ANKS1B: variants seen among roughly 807,000 people sequenced by gnomAD.
ANKS1B encodes ankyrin repeat and sterile alpha motif domain containing 1B.
Under a neutral mutation model 148.3 loss-of-function variants are expected in ANKS1B, and 36 were observed. The ratio of observed to expected loss-of-function variants is 0.24; its 90% confidence interval spans 0.19 to 0.32. ANKS1B has a LOEUF of 0.32. Ranked by LOEUF, ANKS1B falls within the 10% of genes least tolerant of loss-of-function variation. ANKS1B has a pLI of 1.00. For synonymous variants in ANKS1B, 542 were observed against 560.8 expected, an observed-to-expected ratio of 0.97 and a Z score of 0.47; for missense variants, 1,157 against 1,542.6, an observed-to-expected ratio of 0.75 and a Z score of 4.19.
At chr12:98,818,169 C>CT (rs2099157173) in intron 19 of ANKS1B, among the ~76,000 whole-genome samples, 2 of 41,688 alleles carry the variant, frequency 4.8e-5, no homozygotes, top group Non-Finnish European at 9.3e-5. Context: ...CCCTCCCTCC[C>CT]TCCCTTCCTT....
At chr12:99,834,759 A>G (rs1458306056) in intron 1 of ANKS1B, among the ~76,000 whole-genome samples, 1 of 152,176 alleles carries the variant, frequency 6.6e-6, no homozygotes, top group African/African-American at 2.4e-5. Context: ...CAGAAATAAC[A>G]TAAAACTGTT....
At chr12:99,506,900 A>C (rs2096717214) in intron 9 of ANKS1B, among the ~76,000 whole-genome samples, 1 of 152,000 alleles carries the variant, frequency 6.6e-6, no homozygotes, top group Non-Finnish European at 1.5e-5. Flanking sequence ...TGTGGATGAA[A>C]CACATTGTAC....
intron 14 of ANKS1B, among the ~76,000 whole-genome samples, chr12:99,205,590 C>A (rs1446610119): frequency 6.6e-6 from 1 of 152,204 alleles, no homozygotes; most frequent in Admixed American, 6.5e-5. Flanking sequence ...GAGCCCCAGT[C>A]TGTTCCTTTC....
At chr12:99,861,645 T>C (rs1238490667) in intron 1 of ANKS1B, among the ~76,000 whole-genome samples, 4 of 152,170 alleles carry the variant, frequency 2.6e-5, no homozygotes, top group Non-Finnish European at 5.9e-5. Context: ...AGCTCTGATA[T>C]CTCCCTCCCT....
intron 11 of ANKS1B, among the ~76,000 whole-genome samples, chr12:99,413,542 CG>C (rs1567053630): frequency 6.6e-6 from 1 of 151,976 alleles, no homozygotes; most frequent in African/African-American, 2.4e-5. Context: ...TGAAATAAAA[CG>C]CAAGTGGGTG....
At chr12:99,146,475 CAG>C (rs2073151929) in intron 15 of ANKS1B, among the ~76,000 whole-genome samples, 1 of 152,118 alleles carries the variant, frequency 6.6e-6, no homozygotes, top group Admixed American at 6.5e-5. Context: ...GAATTCCAAA[CAG>C]AGGGAACAAC....
At chr12:99,353,264 C>T (rs968238500) in intron 12 of ANKS1B, among the ~76,000 whole-genome samples, 36 of 152,142 alleles carry the variant, frequency 2.4e-4, no homozygotes, top group Non-Finnish European at 1.0e-4. Flanking sequence ...CCTTATGTCT[C>T]AGTTTCCTTA....
intron 12 of ANKS1B, among the ~76,000 whole-genome samples, chr12:99,325,881 G>A (rs1367600600): frequency 3.3e-5 from 5 of 151,994 alleles, no homozygotes; most frequent in African/African-American, 1.2e-4. Context: ...CCAAAGACTG[G>A]GTAATTTATA....
intron 12 of ANKS1B, among the ~76,000 whole-genome samples, chr12:99,263,567 T>C (rs1227541422): frequency 6.6e-6 from 1 of 152,146 alleles, no homozygotes; most frequent in African/African-American, 2.4e-5. Context: ...GATAGGTTGT[T>C]TTCTAAATTA....
chr12:99,373,567 A>C (rs953282743), intron 12 of ANKS1B, among the ~76,000 whole-genome samples: 3 of 152,140 alleles, frequency 2.0e-5, no homozygotes, highest in African/African-American at 7.2e-5. Context: ...CAAAGGCTGA[A>C]ATTTTTTCCA....
chr12:99,001,222 T>C (rs901420564), intron 17 of ANKS1B, among the ~76,000 whole-genome samples: 4 of 152,126 alleles, frequency 2.6e-5, no homozygotes, highest in Admixed American at 2.6e-4. Flanking sequence ...TGCCTCAATC[T>C]CCTGGGCTCA....
At chr12:99,387,343 C>T (rs111256065) in intron 12 of ANKS1B, among the ~76,000 whole-genome samples, 2,578 of 152,220 alleles carry the variant, frequency 0.017, 21 homozygotes, top group Middle Eastern at 0.048. Context: ...CCTGGCCGGG[C>T]GCGGTGGCTC....
At chr12:99,664,850 C>T (rs968381109) in intron 8 of ANKS1B, among the ~76,000 whole-genome samples, 6 of 152,200 alleles carry the variant, frequency 3.9e-5, no homozygotes, top group Non-Finnish European at 7.4e-5. Flanking sequence ...CCTTGCAAGG[C>T]TACCCTGCAC....
At chr12:99,433,995 A>T (rs1182502932) in intron 11 of ANKS1B, among the ~76,000 whole-genome samples, 1 of 152,146 alleles carries the variant, frequency 6.6e-6, no homozygotes, top group African/African-American at 2.4e-5. Flanking sequence ...GTAGGCACTC[A>T]ACTGTGTTTA....
rs185425067 is a variant in ANKS1B, at chr12:99,257,896, G to A, written c.1757-11032C>T. On this transcript the variant is annotated intron_variant, in intron 12 of 26. Coordinates refer to ENST00000683438, the MANE Select transcript of ANKS1B (RefSeq NM_001352186.2). ...AATAGCAACACTATTATTCCCATCT[G>A]CACTCAGAACAACAACAGCCCTCCT... 9.2e-5 allele frequency among the ~76,000 whole-genome samples: 14 copies of A among 152,154 alleles called. No homozygotes were observed. In the East Asian group the frequency reaches 2.5e-3, roughly 27 times the overall value.
chr12:98,740,012 T>A (rs2097790207), downstream of ANKS1B, among the ~76,000 whole-genome samples: 2 of 152,090 alleles, frequency 1.3e-5, no homozygotes, highest in South Asian at 4.2e-4. Context: ...TCTTTTGAAC[T>A]ATCCCGAACT....
chr12:98,894,913 GCGGCGCGTGCCCCCCACCCCC>G, intron 17 of ANKS1B: 1 of 933,622 alleles, frequency 1.1e-6, no homozygotes, highest in Non-Finnish European at 1.3e-6. Context: ...CGCCCCCCGC[GCGGCGCGTGCCCCCCACCCCC>G]CGCCGCGCGC....
intron 17 of ANKS1B, among the ~76,000 whole-genome samples, chr12:98,880,134 T>G (rs948344142): frequency 1.3e-5 from 2 of 152,232 alleles, no homozygotes; most frequent in African/African-American, 2.4e-5. Context: ...AAATCAATCC[T>G]GAAAGTTTTA....
chr12:99,692,217 A>G (rs980083480), intron 8 of ANKS1B, among the ~76,000 whole-genome samples: 1 of 152,022 alleles, frequency 6.6e-6, no homozygotes, highest in African/African-American at 2.4e-5. Flanking sequence ...GGGGAATAAC[A>G]GAAGAAGGAA....
Sources: allele counts gnomAD v4.1 joint callset (sites outside exome capture counted in the v4.1 genomes callset), GRCh38; gene constraint gnomAD v4.1.1; transcripts MANE v1.5; gene names NCBI Gene and HGNC (gene_info 2026-07-23, HGNC 2026-07-21).